EYS: variants seen among roughly 807,000 people sequenced by gnomAD.
EYS encodes protein eyes shut homolog.
A neutral mutation model predicts 282.1 loss-of-function variants in EYS; 250 were observed. That is an observed-to-expected ratio of 0.89 (90% CI 0.80 to 0.98). The LOEUF is 0.98. Among genes scored for constraint, EYS ranks in the 50% least tolerant of loss-of-function variants. The pLI is 0.00. For synonymous variants in EYS, 1,355 were observed against 1,282.9 expected (o/e 1.06, Z -1.20); for missense variants, 4,016 against 3,709.0 (o/e 1.08, Z -2.15).
intron 29 of EYS, among the ~76,000 whole-genome samples, chr6:64,317,839 C>G (rs752554095): frequency 7.9e-5 from 12 of 152,066 alleles, no homozygotes; most frequent in Non-Finnish European, 1.3e-4. Flanking sequence ...CCATGGAATA[C>G]TATGCAGCCA....
intron 12 of EYS, among the ~76,000 whole-genome samples, chr6:65,106,715 C>G (rs1283411275): frequency 6.6e-6 from 1 of 151,916 alleles, no homozygotes; most frequent in African/African-American, 2.4e-5. Flanking sequence ...TTATGTTCAC[C>G]GTTTTTAAGG....
intron 26 of EYS, among the ~76,000 whole-genome samples, chr6:64,514,857 G>A (rs538560871): frequency 2.6e-5 from 4 of 151,790 alleles, no homozygotes; most frequent in Admixed American, 2.6e-4. Context: ...AGTAGAAAAG[G>A]GAACAAAGAT....
intron 39 of EYS, among the ~76,000 whole-genome samples, chr6:63,781,054 G>GTTGTAGA (rs1182644862): frequency 3.3e-5 from 5 of 152,180 alleles, no homozygotes; most frequent in Non-Finnish European, 7.3e-5. Context: ...AGATCAGATG[G>GTTGTAGA]TTGTAGATGT....
Position 65,443,347 on chromosome 6 carries a change from TAG to T in EYS, c.863-37982_863-37981del, listed in dbSNP as rs1305875720. Among the ~76,000 whole-genome samples, 5 of 115,194 alleles carry T rather than the reference TAG, an allele frequency of 4.3e-5. 1 individual carries two copies. The highest frequency in any genetic ancestry group is 1.1e-4 in the Non-Finnish European group (5 of 47,460). The allele number at this position is 115,194 out of a possible 152,430, so 75.6% of individuals were successfully genotyped here. On this transcript the variant is annotated intron_variant, in intron 5 of 42. Transcript: ENST00000503581. ...ATATGCATACATGTATGTACACATA[TAG>T]ACATATATGCATACATGTATGTACA...
chr6:65,395,964 C>T (rs893930702), intron 7 of EYS, among the ~76,000 whole-genome samples: 1 of 152,134 alleles, frequency 6.6e-6, no homozygotes, highest in African/African-American at 2.4e-5. Flanking sequence ...CTTTATCTGG[C>T]TGATTCATTT....
intron 2 of EYS, among the ~76,000 whole-genome samples, chr6:65,589,693 A>T (rs1197655022): frequency 6.6e-6 from 1 of 152,012 alleles, no homozygotes; most frequent in Admixed American, 6.6e-5. Context: ...TACTTAAAAA[A>T]ATTAAATTAA....
chr6:64,029,546 T>C (rs1180184053), intron 33 of EYS, among the ~76,000 whole-genome samples: 1 of 152,204 alleles, frequency 6.6e-6, no homozygotes, highest in Non-Finnish European at 1.5e-5. Flanking sequence ...ACCCTGACAC[T>C]TTTCTCCCAG....
chr6:64,201,190 T>C (rs1422231943), intron 31 of EYS, among the ~76,000 whole-genome samples: 1 of 152,196 alleles, frequency 6.6e-6, no homozygotes, highest in African/African-American at 2.4e-5. Context: ...GGAAGTTATC[T>C]GAAATGAAGG....
At chr6:64,997,125 G>A (rs917648047) in intron 14 of EYS, among the ~76,000 whole-genome samples, 2 of 152,110 alleles carry the variant, frequency 1.3e-5, no homozygotes, top group African/African-American at 4.8e-5. Flanking sequence ...GTACTGAAGG[G>A]ACAACACCAA....
rs115956089 is a variant in EYS, at chr6:64,319,224, A to G, written c.6079-12142T>C. Among the ~76,000 whole-genome samples, 1,366 of 152,148 alleles carry G rather than the reference A, an allele frequency of 9.0e-3. 18 individuals carry two copies. The highest frequency in any genetic ancestry group is 0.03 in the African/African-American group (1,258 of 41,530). On this transcript the variant is annotated intron_variant, in intron 29 of 42. Transcript: ENST00000503581. Reference sequence around the variant, plus strand: ...TTTGGAATCAATTAAGAAATAGTCAATTGGTATTACAAAAACAACTTCAAT... The same window carrying G: ...TTTGGAATCAATTAAGAAATAGTCAGTTGGTATTACAAAAACAACTTCAAT...
intron 41 of EYS, among the ~76,000 whole-genome samples, chr6:63,742,988 C>T (rs747940088): frequency 1.3e-5 from 2 of 151,988 alleles, no homozygotes; most frequent in Admixed American, 1.3e-4. Context: ...TATAAATGTC[C>T]AGCAATGTGA....
Position 64,590,100 on chromosome 6 carries a change from T to C in EYS, c.5644+123A>G, listed in dbSNP as rs535549494. ...ACAGCAGGTGCCTTCTCAATTGAAC[T>C]GGCTGCTGCCCTGATTACAATGAGG... On this transcript the variant is annotated intron_variant, in intron 26 of 42. Transcript: ENST00000503581. The C allele has an allele frequency of 2.9e-4, 227 of 792,352 alleles. No individual in the cohort carries two copies. The African/African-American group carries it at 3.5e-3, about 12-fold the overall frequency. 49.1% of individuals were successfully genotyped at this position (792,352 alleles called of 1,614,324 possible). A position where few individuals can be genotyped will look rare whatever the true frequency, so the allele number is the denominator to read the frequency against.
Position 64,636,826 on chromosome 6 carries a change from GAC to G in EYS, c.3444-10583_3444-10582del, listed in dbSNP as rs1321902492. Among the ~76,000 whole-genome samples, 3 of 140,050 alleles carry G rather than the reference GAC, an allele frequency of 2.1e-5. No individual in the cohort carries two copies. In the East Asian group the frequency reaches 6.0e-4, roughly 28 times the overall value. The allele number at this position is 140,050 out of a possible 152,430, so 91.9% of individuals were successfully genotyped here. ...AAAGAAGACATTTATGCAGCCAAAT[GAC>G]ACATGAAAAAATGCTCATCATCACT... On this transcript the variant is annotated intron_variant, in intron 22 of 42. Coordinates refer to ENST00000503581, the MANE Select transcript of EYS (RefSeq NM_001142800.2).
At chr6:65,680,520 T>C (rs924282662) in intron 1 of EYS, among the ~76,000 whole-genome samples, 6 of 151,972 alleles carry the variant, frequency 3.9e-5, no homozygotes, top group Non-Finnish European at 7.4e-5. Context: ...TAAAGTAAAC[T>C]AGTTTATTTT....
At chr6:64,947,104 A>G (rs1300997562) in intron 14 of EYS, among the ~76,000 whole-genome samples, 6 of 151,900 alleles carry the variant, frequency 3.9e-5, no homozygotes, top group South Asian at 2.1e-4. Flanking sequence ...AGTTTAATAC[A>G]TCTCAACATC....
intron 31 of EYS, among the ~76,000 whole-genome samples, chr6:64,152,159 C>G (rs1261799986): frequency 6.6e-6 from 1 of 151,986 alleles, no homozygotes; most frequent in Non-Finnish European, 1.5e-5. Context: ...AAAGTCTGCT[C>G]ATTAAAATAC....
At chr6:64,107,285 T>TTTTATATA (rs1275963690) in intron 31 of EYS, among the ~76,000 whole-genome samples, 3 of 101,502 alleles carry the variant, frequency 3.0e-5, no homozygotes, top group African/African-American at 1.1e-4. Flanking sequence ...ATATATATAT[T>TTTTATATA]TATATATATA....
intron 19 of EYS, among the ~76,000 whole-genome samples, chr6:64,825,472 G>C (rs1166846016): frequency 6.6e-6 from 1 of 151,642 alleles, no homozygotes; most frequent in African/African-American, 2.4e-5. Context: ...TGTCATATAC[G>C]TGTGTGTGGG....
At chr6:64,499,394 T>C (rs768259982) in intron 26 of EYS, among the ~76,000 whole-genome samples, 2 of 152,192 alleles carry the variant, frequency 1.3e-5, no homozygotes, top group Non-Finnish European at 2.9e-5. Flanking sequence ...TCAGCTTTTA[T>C]GCTTGTAAAG....
Sources: gnomAD v4.1 joint callset for allele counts (sites outside exome capture counted in the v4.1 genomes callset) on GRCh38, gnomAD v4.1.1 for gene constraint, MANE v1.5 for transcripts, NCBI Gene and HGNC (gene_info 2026-07-23, HGNC 2026-07-21) for gene names.